The following KCNC2 variants were observed in gnomAD, a reference collection of about 807,000 sequenced individuals.
KCNC2 encodes the protein potassium voltage-gated channel subfamily C member 2.
KCNC2 carries 21 observed loss-of-function variants against 44.5 expected under a neutral mutation model. The ratio of observed to expected loss-of-function variants is 0.47; its 90% CI spans 0.33 to 0.68. The LOEUF is 0.68. Among genes scored for constraint, KCNC2 ranks in the 30% least tolerant of loss-of-function variants. KCNC2 has a pLI of 0.01. For synonymous variants in KCNC2, 391 were observed against 339.1 expected (o/e 1.15, Z -1.68); for missense variants, 589 against 826.2 (o/e 0.71, Z 3.52).
At chr12:75,149,307 T>A (rs1333032061) in intron 2 of KCNC2, among the ~76,000 whole-genome samples, 1 of 151,866 alleles carries the variant, frequency 6.6e-6, no homozygotes, top group Non-Finnish European at 1.5e-5. Flanking sequence ...AGTTAGTGAA[T>A]CCTGTGTCCA....
chr12:75,138,785 C>T (rs970154079), intron 2 of KCNC2, among the ~76,000 whole-genome samples: 1 of 151,896 alleles, frequency 6.6e-6, no homozygotes, highest in Admixed American at 6.6e-5. Context: ...TCAAGACCAT[C>T]CTGGTTAACA....
At chr12:75,107,509 G>A (rs937992454) in intron 2 of KCNC2, among the ~76,000 whole-genome samples, 3 of 152,042 alleles carry the variant, frequency 2.0e-5, no homozygotes, top group South Asian at 2.1e-4. Flanking sequence ...AAGATTTCTC[G>A]AAGATTAATT....
At chr12:75,188,789 T>G (rs1211962550) in intron 2 of KCNC2, among the ~76,000 whole-genome samples, 6 of 151,078 alleles carry the variant, frequency 4.0e-5, no homozygotes. Context: ...GAACCCGGAG[T>G]TGGAGGATGC....
rs1217866700 is a variant in KCNC2, at chr12:75,040,956, A to G, written c.*2149T>C. 2 of 636,588 alleles carry G rather than the reference A, an allele frequency of 3.1e-6. No individual in the cohort carries two copies. Among genetic ancestry groups the G allele is most frequent in the East Asian group, 2.7e-5 (1 of 36,386 alleles). The allele number at this position is 636,588 out of a possible 1,614,324, so 39.4% of individuals were successfully genotyped here. ...CCCATGCACACATGTTGGTATTTAC[A>G]GTTGTTTCATGGACACTGGCCAGTC... On this transcript the variant is annotated 3_prime_UTR_variant, in exon 5 of 5. Transcript: ENST00000549446.
intron 2 of KCNC2, among the ~76,000 whole-genome samples, chr12:75,098,175 G>A: frequency 6.6e-6 from 1 of 152,038 alleles, no homozygotes; most frequent in Non-Finnish European, 1.5e-5. Flanking sequence ...TGATTATCCT[G>A]TGAATATTTT....
At chr12:75,067,207 A>T (rs189768434) in intron 2 of KCNC2, among the ~76,000 whole-genome samples, 1 of 152,252 alleles carries the variant, frequency 6.6e-6, no homozygotes, top group East Asian at 1.9e-4. Context: ...TCTCAAAACA[A>T]AAAAACAAAA....
intron 2 of KCNC2, among the ~76,000 whole-genome samples, chr12:75,172,049 C>A (rs1291228318): frequency 6.6e-6 from 1 of 151,692 alleles, no homozygotes; most frequent in African/African-American, 2.4e-5. Context: ...CATCACCATA[C>A]CCACCCTCAC....
chr12:75,055,379 T>C (rs1342139764), intron 2 of KCNC2, among the ~76,000 whole-genome samples: 1 of 152,132 alleles, frequency 6.6e-6, no homozygotes, highest in Non-Finnish European at 1.5e-5. Context: ...TGGGTCCAAA[T>C]GTCGTCAATA....
chr12:75,132,329 T>C (rs1473452012), intron 2 of KCNC2, among the ~76,000 whole-genome samples: 3 of 152,170 alleles, frequency 2.0e-5, no homozygotes, highest in Non-Finnish European at 4.4e-5. Context: ...CAATGTATTT[T>C]GCAATGTACC....
In KCNC2 at chr12:75,041,774, C is replaced by A. The variant is rs908988862; in HGVS notation, c.*1331G>T. ...AAACCCTGCTTATCAAAAAGATTCA[C>A]AGTGCCGATTAACTTAGGTAGTCTA... On this transcript the variant is annotated 3_prime_UTR_variant, in exon 5 of 5. Transcript: ENST00000549446. 11 of 991,292 alleles carry A rather than the reference C, an allele frequency of 1.1e-5. No individual in the cohort carries two copies. Among genetic ancestry groups the A allele is most frequent in the Admixed American group, 5.7e-5 (1 of 17,464 alleles). 61.4% of individuals were successfully genotyped at this position (991,292 alleles called of 1,614,324 possible).
At chr12:75,120,915 C>T (rs1168109657) in intron 2 of KCNC2, among the ~76,000 whole-genome samples, 3 of 152,152 alleles carry the variant, frequency 2.0e-5, no homozygotes, top group African/African-American at 7.2e-5. Flanking sequence ...TAACCCTATA[C>T]ATTTTTTAAT....
chr12:75,113,232 C>T (rs564238210), intron 2 of KCNC2, among the ~76,000 whole-genome samples: 1 of 152,052 alleles, frequency 6.6e-6, no homozygotes, highest in African/African-American at 2.4e-5. Flanking sequence ...AATGCAAATG[C>T]TTTAAAATTA....
intron 2 of KCNC2, among the ~76,000 whole-genome samples, chr12:75,181,973 CAT>C (rs774240153): frequency 4.5e-4 from 44 of 97,196 alleles, no homozygotes; most frequent in Admixed American, 1.3e-3. Flanking sequence ...AAGGCTTCAC[CAT>C]GTTGGCCAGG....
Position 75,041,110 on chromosome 12 carries a change from A to G in KCNC2, c.*1995T>C. 1.3e-6 allele frequency: 2 copies of G among 1,596,482 alleles called. No homozygotes were observed. Among genetic ancestry groups the G allele is most frequent in the South Asian group, 1.1e-5 (1 of 91,050 alleles). On this transcript the variant is annotated 3_prime_UTR_variant, in exon 5 of 5. Coordinates refer to ENST00000549446, the MANE Select transcript of KCNC2 (RefSeq NM_139137.4). ...AACCTGGTCACATCAGGGCACATTCAGCAGCAGAAGTCTGTTTCCAGTATA... is the reference window on the plus strand; with the variant it reads ...AACCTGGTCACATCAGGGCACATTCGGCAGCAGAAGTCTGTTTCCAGTATA...
At chr12:75,116,670 A>G (rs971492875) in intron 2 of KCNC2, among the ~76,000 whole-genome samples, 2 of 152,224 alleles carry the variant, frequency 1.3e-5, no homozygotes, top group Non-Finnish European at 2.9e-5. Context: ...AAGGACATTT[A>G]AAAGTAGAAC....
chr12:75,101,029 G>A (rs1009626102), intron 2 of KCNC2, among the ~76,000 whole-genome samples: 1 of 152,038 alleles, frequency 6.6e-6, no homozygotes, highest in African/African-American at 2.4e-5. Context: ...ATTTAAATTA[G>A]TAAGTTTCAA....
At chr12:75,110,488 G>A (rs1419783983) in intron 2 of KCNC2, among the ~76,000 whole-genome samples, 1 of 152,094 alleles carries the variant, frequency 6.6e-6, no homozygotes, top group Non-Finnish European at 1.5e-5. Flanking sequence ...GAGATTCTGA[G>A]AATATCAACC....
At chr12:75,138,899 T>G (rs1223526317) in intron 2 of KCNC2, among the ~76,000 whole-genome samples, 1 of 142,794 alleles carries the variant, frequency 7.0e-6, no homozygotes, top group Admixed American at 7.5e-5. Context: ...GAGAATGGCA[T>G]GAACCCGGGA....
intron 2 of KCNC2, among the ~76,000 whole-genome samples, chr12:75,160,728 C>G (rs138248207): frequency 4.6e-5 from 7 of 151,800 alleles, no homozygotes; most frequent in Non-Finnish European, 1.5e-5. Context: ...GATTCTCATT[C>G]GCTACATCAT....
Sources: allele counts gnomAD v4.1 joint callset (sites outside exome capture counted in the v4.1 genomes callset), GRCh38; gene constraint gnomAD v4.1.1; transcripts MANE v1.5; gene names NCBI Gene and HGNC (gene_info 2026-07-23, HGNC 2026-07-21).